Variants in PBX3 observed in about 807,000 individuals in gnomAD.
PBX3 encodes pre-B-cell leukemia transcription factor 3.
PBX3 carries 14 observed loss-of-function variants against 48.5 expected under a neutral mutation model. The ratio of observed to expected loss-of-function variants is 0.29; its 90% CI spans 0.19 to 0.45. The LOEUF (loss-of-function observed/expected upper bound fraction) is 0.45. Among genes scored for constraint, PBX3 ranks in the 20% least tolerant of loss-of-function variants. The pLI, the probability that PBX3 is intolerant of heterozygous loss-of-function variation, is 1.00. For missense variants in PBX3, 386 were observed against 546.7 expected, an observed-to-expected ratio of 0.71 and a Z score of 2.93; for synonymous variants, 210 against 200.3, an observed-to-expected ratio of 1.05 and a Z score of -0.41.
intron 5 of PBX3, among the ~76,000 whole-genome samples, chr9:125,937,231 T>C (rs1841856998): frequency 6.6e-6 from 1 of 152,196 alleles, no homozygotes; most frequent in Non-Finnish European, 1.5e-5. Context: ...ACACTTTGTG[T>C]GTAGTGTAGA....
intron 4 of PBX3, among the ~76,000 whole-genome samples, chr9:125,932,059 G>GTTTC (rs1047351350): frequency 1.3e-5 from 2 of 152,114 alleles, no homozygotes; most frequent in Admixed American, 6.5e-5. Flanking sequence ...ATGGAATTAT[G>GTTTC]TTTCTACTGC....
chr9:125,921,331 T>G lies in PBX3; in HGVS notation c.516+5404T>G, dbSNP rs570872920. Among the ~76,000 whole-genome samples, 208 of 152,332 alleles carry G rather than the reference T, an allele frequency of 1.4e-3. 1 individual carries two copies. The highest frequency in any genetic ancestry group is 4.7e-3 in the African/African-American group (197 of 41,570). On this transcript the variant is annotated intron_variant, in intron 3 of 8. Coordinates refer to ENST00000373489, the MANE Select transcript of PBX3 (RefSeq NM_006195.6). ...ATTTAATACATTTGAATACTCTTTTTTTTTCAACTTCTTTGGAAGCAGTTT... is the reference window on the plus strand; with the variant it reads ...ATTTAATACATTTGAATACTCTTTTGTTTTCAACTTCTTTGGAAGCAGTTT...
At chr9:125,773,920 C>G in intron 2 of PBX3, among the ~76,000 whole-genome samples, 1 of 152,186 alleles carries the variant, frequency 6.6e-6, no homozygotes, top group African/African-American at 2.4e-5. Flanking sequence ...TTAGTACATT[C>G]ACATTGTTGT....
At chr9:125,958,374 C>T (rs1842354340) in intron 5 of PBX3, among the ~76,000 whole-genome samples, 1 of 152,214 alleles carries the variant, frequency 6.6e-6, no homozygotes, top group Non-Finnish European at 1.5e-5. Flanking sequence ...TTATAATGCA[C>T]ACCTGCTGTG....
At chr9:125,773,496 G>A (rs1836994029) in intron 2 of PBX3, among the ~76,000 whole-genome samples, 1 of 152,130 alleles carries the variant, frequency 6.6e-6, no homozygotes, top group Non-Finnish European at 1.5e-5. Flanking sequence ...TTAATTTTCT[G>A]TTGCCTCCAG....
chr9:125,797,120 GAAT>G (rs1837806852), intron 2 of PBX3, among the ~76,000 whole-genome samples: 1 of 151,842 alleles, frequency 6.6e-6, no homozygotes, highest in East Asian at 1.9e-4. Flanking sequence ...TGACTAAGAA[GAAT>G]GTTATGAGAC....
intron 2 of PBX3, among the ~76,000 whole-genome samples, chr9:125,895,148 C>T (rs538834135): frequency 2.0e-5 from 3 of 151,984 alleles, no homozygotes; most frequent in Non-Finnish European, 4.4e-5. Flanking sequence ...TATACATCCA[C>T]CTAGATTTGG....
At chr9:125,876,405 C>T (rs1035222450) in intron 2 of PBX3, among the ~76,000 whole-genome samples, 3 of 152,200 alleles carry the variant, frequency 2.0e-5, no homozygotes, top group African/African-American at 7.2e-5. Context: ...GCAGGACCAA[C>T]CCCTTTCCTC....
intron 2 of PBX3, among the ~76,000 whole-genome samples, chr9:125,884,077 G>T (rs1416472633): frequency 6.6e-6 from 1 of 152,158 alleles, no homozygotes; most frequent in Non-Finnish European, 1.5e-5. Flanking sequence ...CAGTAATTAG[G>T]CAAGTCACAG....
At chr9:125,887,928 G>C (rs963908309) in intron 2 of PBX3, among the ~76,000 whole-genome samples, 7 of 152,134 alleles carry the variant, frequency 4.6e-5, no homozygotes. Context: ...ATAGATTACT[G>C]TGCATAATCA....
rs1484782069 is a variant in PBX3, at chr9:125,956,712, C to A, written c.844-3972C>A. On this transcript the variant is annotated intron_variant, in intron 5 of 8. Transcript: ENST00000373489. ...ATTGATCTTAAAATTCTTCCATGGC[C>A]CTTTGCCTTGGGCACAATCCAGAGT... Among the ~76,000 whole-genome samples the A allele has an allele frequency of 5.9e-5, 9 of 152,294 alleles. No individual in the cohort carries two copies. The East Asian group carries it at 1.7e-3, about 29-fold the overall frequency.
chr9:125,900,238 T>C (rs1484332179), intron 2 of PBX3, among the ~76,000 whole-genome samples: 12 of 74 alleles, frequency 0.16, no homozygotes, highest in African/African-American at 0.25. Flanking sequence ...ATCCCGCCCT[T>C]TTTTTTTTTT....
rs1842523178 is a variant in PBX3, at chr9:125,965,953, T to C, written c.*30T>C. 2 of 1,542,642 alleles carry C rather than the reference T, an allele frequency of 1.3e-6. No individual in the cohort carries two copies. Among genetic ancestry groups the C allele is most frequent in the Non-Finnish European group, 1.8e-6 (2 of 1,114,766 alleles). On this transcript the variant is annotated 3_prime_UTR_variant, in exon 9 of 9. Coordinates refer to ENST00000373489, the MANE Select transcript of PBX3 (RefSeq NM_006195.6). ...TGGCCACACTTTTCCCTGAGCTACA[T>C]GCCTTGATAAGTGCATTCAGAGCAA...
At chr9:125,920,702 A>C (rs574284419) in intron 3 of PBX3, among the ~76,000 whole-genome samples, 1 of 152,100 alleles carries the variant, frequency 6.6e-6, no homozygotes, top group African/African-American at 2.4e-5. Context: ...AAGGGTCCCA[A>C]CCCTTCCCAA....
intron 2 of PBX3, among the ~76,000 whole-genome samples, chr9:125,808,652 T>G (rs1312794835): frequency 2.0e-5 from 3 of 152,000 alleles, no homozygotes; most frequent in African/African-American, 7.3e-5. Context: ...AGCTATAGAG[T>G]GAGACCCAAT....
intron 3 of PBX3, among the ~76,000 whole-genome samples, chr9:125,928,200 A>AAT (rs1841623481): frequency 6.6e-6 from 1 of 151,942 alleles, no homozygotes; most frequent in African/African-American, 2.4e-5. Flanking sequence ...CTACAAAAAA[A>AAT]AATAATAATA....
chr9:125,780,736 A>C (rs1341837073), intron 2 of PBX3, among the ~76,000 whole-genome samples: 2 of 53,164 alleles, frequency 3.8e-5, no homozygotes, highest in Admixed American at 2.0e-4. Flanking sequence ...GACCCCCCCC[A>C]CCTCCCTCCC....
In PBX3 at chr9:125,962,203, G is replaced by A. The variant is rs1236289034; in HGVS notation, c.1111G>A (p.Val371Met). ...SYQGSQVGAN[V>M]QSQVDTLRHV... ...CCAAGGGTCCCAAGTCGGAGCCAATGTGCAATCACAGGTAGGAGAAATGCC... is the reference window on the plus strand; with the variant it reads ...CCAAGGGTCCCAAGTCGGAGCCAATATGCAATCACAGGTAGGAGAAATGCC... The change falls in exon 7 of 9, where the codon GTG becomes ATG. Residue 371 changes from valine to methionine, a missense_variant. By Grantham distance (21) the Val-to-Met change is conservative. Coordinates refer to ENST00000373489, the MANE Select transcript of PBX3 (RefSeq NM_006195.6). The A allele has an allele frequency of 1.3e-6, 2 of 1,599,836 alleles. No homozygotes were observed. The highest frequency in any genetic ancestry group is 1.1e-5 in the South Asian group (1 of 90,762).
Position 125,915,847 on chromosome 9 carries a change from T to C in PBX3, c.436T>C (p.Ser146Pro), listed in dbSNP as rs781521763. The change falls in exon 3 of 9, where the codon TCT becomes CCT. Residue 146 changes from serine (S) to proline (P), a missense_variant. Ser to Pro is a moderately conservative substitution (Grantham distance 74, BLOSUM62 -1). This residue lies in a region of PBX3 where 69 missense variants were observed against 99.1 expected (regional missense o/e 0.70). Transcript: ENST00000373489. ...AGCCTCTGGAGGTTCTTCAGATAAC[T>C]CTATTGAACACTCAGATTACAGAGC... ...AAASGGSSDNSIEHSDYRAKL... is the reference protein window; with the variant it reads ...AAASGGSSDNPIEHSDYRAKL... 1 of 1,614,034 alleles carries C rather than the reference T, an allele frequency of 6.2e-7. No individual in the cohort carries two copies. The highest frequency in any genetic ancestry group is 1.7e-5 in the Admixed American group (1 of 60,010).
Sources: allele counts gnomAD v4.1 joint callset (sites outside exome capture counted in the v4.1 genomes callset), GRCh38; gene constraint gnomAD v4.1.1; regional missense constraint gnomAD v4.1.1; transcripts MANE v1.5; gene names NCBI Gene and HGNC (gene_info 2026-07-23, HGNC 2026-07-21).